Variants in RBFOX1 observed in about 807,000 individuals in gnomAD.
RBFOX1 encodes the protein RNA binding fox-1 homolog 1.
A neutral mutation model predicts 57.7 loss-of-function variants in RBFOX1; 8 were observed. That is an observed-to-expected ratio of 0.14 (90% CI 0.08 to 0.25). The LOEUF is 0.25. Among genes scored for constraint, RBFOX1 ranks in the 10% least tolerant of loss-of-function variants. The pLI is 1.00. For synonymous variants in RBFOX1, 326 were observed against 222.4 expected, an observed-to-expected ratio of 1.47 and a Z score of -4.15; for missense variants, 611 against 548.5, an observed-to-expected ratio of 1.11 and a Z score of -1.14.
At chr16:5,793,825 A>C (rs1597280330) in intron 3 of RBFOX1, among the ~76,000 whole-genome samples, 1 of 152,310 alleles carries the variant, frequency 6.6e-6, no homozygotes, top group East Asian at 1.9e-4. Context: ...TGCATGTGCA[A>C]GTGTTCATTT....
chr16:5,558,632 T>A (rs867377410), intron 2 of RBFOX1, among the ~76,000 whole-genome samples: 2 of 152,266 alleles, frequency 1.3e-5, no homozygotes, highest in South Asian at 4.1e-4. Flanking sequence ...CCACTGAGAA[T>A]AGTTTCAGTC....
intron 2 of RBFOX1, among the ~76,000 whole-genome samples, chr16:6,350,108 C>G (rs1243715771): frequency 4.6e-5 from 7 of 152,018 alleles, no homozygotes; most frequent in Non-Finnish European, 5.9e-5. Flanking sequence ...ATATTGGATT[C>G]AATTTATTTG....
intron 3 of RBFOX1, among the ~76,000 whole-genome samples, chr16:6,970,588 T>C (rs1026586312): frequency 6.6e-6 from 1 of 152,132 alleles, no homozygotes; most frequent in Non-Finnish European, 1.5e-5. Context: ...TGTCTTCACA[T>C]GGTGGAAGGG....
At chr16:5,930,767 T>G (rs1282569327) in intron 4 of RBFOX1, among the ~76,000 whole-genome samples, 5 of 62,598 alleles carry the variant, frequency 8.0e-5, no homozygotes, top group African/African-American at 2.7e-4. Context: ...CATGGATGGA[T>G]GCATGGTTGG....
chr16:7,566,665 C>T (rs778866829), intron 5 of RBFOX1, among the ~76,000 whole-genome samples: 1 of 152,088 alleles, frequency 6.6e-6, no homozygotes, highest in African/African-American at 2.4e-5. Flanking sequence ...TCTTTTCCAT[C>T]CTGTATCCCA....
Position 6,958,727 on chromosome 16 carries a change from G to A in RBFOX1, c.-15-93330G>A, listed in dbSNP as rs116210535. ...TCCCTCTTCATGTTAGTTTTATGCC[G>A]CTTCAGAAATCTTTTATCATATGCT... On this transcript the variant is annotated intron_variant, in intron 3 of 15. Coordinates refer to ENST00000550418, the MANE Select transcript of RBFOX1 (RefSeq NM_018723.4). 4.5e-3 allele frequency among the ~76,000 whole-genome samples: 691 copies of A among 152,256 alleles called. 4 individuals are homozygous for A. The highest frequency in any genetic ancestry group is 0.014 in the Middle Eastern group (4 of 294).
At chr16:7,348,638 T>C (rs1351748719) in intron 4 of RBFOX1, among the ~76,000 whole-genome samples, 1 of 152,132 alleles carries the variant, frequency 6.6e-6, no homozygotes, top group Non-Finnish European at 1.5e-5. Context: ...AACAATCCTA[T>C]AGATTACAGA....
intron 4 of RBFOX1, among the ~76,000 whole-genome samples, chr16:7,361,888 T>C (rs1193964557): frequency 3.3e-5 from 5 of 151,646 alleles, no homozygotes; most frequent in Non-Finnish European, 2.9e-5. Context: ...GTGTATATGT[T>C]AGTATGTGTA....
rs529514233 is a variant in RBFOX1 at position 7,640,786 on chromosome 16, C to T, written c.757+10103C>T. ...CTCCTTGACAAAACTCACCCTCATC[C>T]GGCCTCATCAGAGTCAAGAGAAATC... On this transcript the variant is annotated intron_variant, in intron 11 of 15. Coordinates refer to ENST00000550418, the MANE Select transcript of RBFOX1 (RefSeq NM_018723.4). Among the ~76,000 whole-genome samples, 230 of 152,184 alleles carry T rather than the reference C, an allele frequency of 1.5e-3. 1 individual carries two copies. Among genetic ancestry groups the T allele is most frequent in the Non-Finnish European group, 2.7e-3 (181 of 68,018 alleles).
chr16:6,774,137 A>G (rs768335090), intron 3 of RBFOX1: 79 of 423,906 alleles, frequency 1.9e-4, no homozygotes, highest in Non-Finnish European at 2.5e-4. Context: ...CGGAACAAAG[A>G]CCGGCACTCT....
intron 2 of RBFOX1, among the ~76,000 whole-genome samples, chr16:6,501,071 C>G (rs1172425096): frequency 6.6e-6 from 1 of 150,756 alleles, no homozygotes; most frequent in Admixed American, 6.6e-5. Context: ...TGGACCCTAT[C>G]CTGCTTGATG....
At chr16:5,362,068 T>C (rs2065566945) in intron 1 of RBFOX1, among the ~76,000 whole-genome samples, 1 of 152,260 alleles carries the variant, frequency 6.6e-6, no homozygotes, top group South Asian at 2.1e-4. Context: ...AGTAAGAACA[T>C]TTAACTTAAT....
chr16:6,109,976 T>C (rs1211095959), intron 1 of RBFOX1, among the ~76,000 whole-genome samples: 1 of 152,142 alleles, frequency 6.6e-6, no homozygotes, highest in Non-Finnish European at 1.5e-5. Flanking sequence ...TTTATGTATC[T>C]TGGGTCTCTA....
At chr16:6,662,158 G>A (rs1250178558) in intron 3 of RBFOX1, among the ~76,000 whole-genome samples, 2 of 151,836 alleles carry the variant, frequency 1.3e-5, no homozygotes, top group Non-Finnish European at 2.9e-5. Flanking sequence ...GGAGGATCTT[G>A]GTCAAAGGAT....
At chr16:6,323,151 TA>T (rs1476484651) in intron 2 of RBFOX1, among the ~76,000 whole-genome samples, 1 of 152,132 alleles carries the variant, frequency 6.6e-6, no homozygotes, top group Non-Finnish European at 1.5e-5. Context: ...GACAGAGAGC[TA>T]AAAGAAGAAA....
chr16:7,136,341 C>G (rs575650964), intron 4 of RBFOX1, among the ~76,000 whole-genome samples: 4 of 151,378 alleles, frequency 2.6e-5, no homozygotes, highest in African/African-American at 9.7e-5. Context: ...CCCCCTGTGA[C>G]TAGTAGCTGT....
chr16:7,259,309 T>A (rs2094823767), intron 4 of RBFOX1, among the ~76,000 whole-genome samples: 1 of 152,042 alleles, frequency 6.6e-6, no homozygotes, highest in Non-Finnish European at 1.5e-5. Context: ...GGAAACACCT[T>A]CCCCTCTCAG....
intron 2 of RBFOX1, among the ~76,000 whole-genome samples, chr16:5,574,933 C>T (rs1274097878): frequency 6.6e-6 from 1 of 152,150 alleles, no homozygotes; most frequent in Non-Finnish European, 1.5e-5. Flanking sequence ...GCTTTTCATA[C>T]CCTGCAGCTT....
chr16:7,185,164 G>T (rs1240795169), intron 4 of RBFOX1, among the ~76,000 whole-genome samples: 2 of 151,758 alleles, frequency 1.3e-5, no homozygotes, highest in Non-Finnish European at 2.9e-5. Context: ...GTCAACCGCA[G>T]AATAAGTGCT....
Sources: gnomAD v4.1 joint callset for allele counts (sites outside exome capture counted in the v4.1 genomes callset) on GRCh38, gnomAD v4.1.1 for gene constraint, MANE v1.5 for transcripts, NCBI Gene and HGNC (gene_info 2026-07-23, HGNC 2026-07-21) for gene names.